DGKB: variants seen among roughly 807,000 people sequenced by gnomAD.
The protein encoded by DGKB is 90 kDa diacylglycerol kinase.
A neutral mutation model predicts 114.3 loss-of-function variants in DGKB; 67 were observed. The observed-to-expected ratio is 0.59, with a 90% CI of 0.48 to 0.72. DGKB has a LOEUF of 0.72. Among genes scored for constraint, DGKB ranks in the 30% least tolerant of loss-of-function variants. DGKB has a pLI of 0.00. For missense variants in DGKB, 907 were observed against 975.2 expected, an observed-to-expected ratio of 0.93 and a Z score of 0.93; for synonymous variants, 398 against 323.1, an observed-to-expected ratio of 1.23 and a Z score of -2.49.
intron 23 of DGKB, among the ~76,000 whole-genome samples, chr7:14,325,409 C>T (rs544943230): frequency 2.6e-5 from 4 of 152,228 alleles, no homozygotes; most frequent in African/African-American, 9.6e-5. Context: ...ATACGATATT[C>T]CACGATTCAC....
intron 21 of DGKB, among the ~76,000 whole-genome samples, chr7:14,462,829 T>C (rs944972815): frequency 3.3e-5 from 5 of 152,198 alleles, no homozygotes; most frequent in African/African-American, 1.2e-4. Context: ...TCATGCTACC[T>C]GACTGCAAAC....
At position 14,898,462 on chromosome 7, in the gene DGKB, C is replaced by T. The variant is rs531022420; in HGVS notation, c.-188+4130G>A. 6.6e-5 allele frequency among the ~76,000 whole-genome samples: 10 copies of T among 151,998 alleles called. No individual in the cohort carries two copies. In the East Asian group the frequency reaches 1.7e-3, roughly 26 times the overall value. On this transcript the variant is annotated intron_variant, in intron 1 of 25. Transcript: ENST00000402815. ...TCCTTCAGTTTGCTCTTTTATAAAA[C>T]GGGAATGAGGATAATAATTATCCCA...
At chr7:14,337,736 A>C (rs949349055) in intron 23 of DGKB, among the ~76,000 whole-genome samples, 3 of 152,126 alleles carry the variant, frequency 2.0e-5, no homozygotes, top group African/African-American at 7.2e-5. Context: ...TTGATTTCTC[A>C]ATGTCATCAG....
chr7:14,956,392 A>G (rs1298710411), intron 1 of DGKB, among the ~76,000 whole-genome samples: 1 of 152,028 alleles, frequency 6.6e-6, no homozygotes, highest in East Asian at 1.9e-4. Flanking sequence ...CTACCAGCAC[A>G]TAACTATGTG....
chr7:14,572,512 G>C (rs2128706043), intron 20 of DGKB, among the ~76,000 whole-genome samples: 1 of 150,994 alleles, frequency 6.6e-6, no homozygotes, highest in South Asian at 2.1e-4. Flanking sequence ...TCTCCAAATA[G>C]AAAACGTTAA....
intron 2 of DGKB, among the ~76,000 whole-genome samples, chr7:14,761,127 G>A (rs542716898): frequency 2.2e-4 from 33 of 152,208 alleles, no homozygotes; most frequent in African/African-American, 7.5e-4. Context: ...ACTATGACCT[G>A]ATCTCCACTT....
intron 2 of DGKB, among the ~76,000 whole-genome samples, chr7:14,795,430 G>T (rs1032461297): frequency 6.6e-6 from 1 of 152,148 alleles, no homozygotes; most frequent in Non-Finnish European, 1.5e-5. Flanking sequence ...GGGATATATT[G>T]TAATGTTAGG....
intron 20 of DGKB, among the ~76,000 whole-genome samples, chr7:14,528,599 C>T (rs1211705435): frequency 6.6e-6 from 1 of 151,878 alleles, no homozygotes; most frequent in Non-Finnish European, 1.5e-5. Context: ...TTTGTATTGT[C>T]GTACTCCTGG....
intron 13 of DGKB, among the ~76,000 whole-genome samples, chr7:14,658,781 T>G (rs1816384856): frequency 6.6e-6 from 1 of 151,764 alleles, no homozygotes. Context: ...TAAAACAGGA[T>G]TAATTAATTT....
At chr7:14,425,945 A>G (rs1284830665) in intron 21 of DGKB, among the ~76,000 whole-genome samples, 1 of 152,056 alleles carries the variant, frequency 6.6e-6, no homozygotes, top group African/African-American at 2.4e-5. Context: ...TTTTCATTCA[A>G]TTTTTGTTGG....
chr7:14,739,268 C>G (rs1393589380), intron 4 of DGKB, among the ~76,000 whole-genome samples: 1 of 152,142 alleles, frequency 6.6e-6, no homozygotes, highest in Non-Finnish European at 1.5e-5. Context: ...CTAAACACGC[C>G]CATGGTGAAA....
chr7:14,632,283 A>G (rs1013404665), intron 13 of DGKB, among the ~76,000 whole-genome samples: 3 of 151,898 alleles, frequency 2.0e-5, no homozygotes, highest in Admixed American at 6.6e-5. Context: ...AGAGTATAAT[A>G]ATGTCATTAG....
chr7:14,487,615 C>T (rs1296230981), intron 20 of DGKB, among the ~76,000 whole-genome samples: 2 of 133,136 alleles, frequency 1.5e-5, no homozygotes, highest in African/African-American at 5.6e-5. Context: ...GACAGAATCT[C>T]TCCCTGTCAC....
chr7:14,841,963 G>A (rs1366193815), intron 1 of DGKB, among the ~76,000 whole-genome samples: 1 of 152,302 alleles, frequency 6.6e-6, no homozygotes, highest in Admixed American at 6.5e-5. Flanking sequence ...AATTCCAAAT[G>A]TCTGAAAGAC....
intron 21 of DGKB, among the ~76,000 whole-genome samples, chr7:14,441,353 A>G (rs1360222935): frequency 6.6e-6 from 1 of 152,068 alleles, no homozygotes; most frequent in Non-Finnish European, 1.5e-5. Context: ...CTTCCTCTTC[A>G]TATTCACAGA....
At position 14,852,487 on chromosome 7, in the gene DGKB, C is replaced by CAAAAAA; in HGVS notation, c.-187-11043_-187-11038dup. On this transcript the variant is annotated intron_variant, in intron 1 of 25. Transcript: ENST00000402815. ...GAGGAATAGCTAAAATAGTGAAAGTCAAAAAAAAAACAGAAATCAAGCATA... is the reference window on the plus strand; with the variant it reads ...GAGGAATAGCTAAAATAGTGAAAGTCAAAAAAAAAAAAAAAACAGAAATCAAGCATA... Among the ~76,000 whole-genome samples the CAAAAAA allele has an allele frequency of 3.4e-3, 219 of 63,618 alleles. 30 individuals carry two copies. The highest frequency in any genetic ancestry group is 0.014 in the African/African-American group (212 of 14,836). The allele number at this position is 63,618 out of a possible 152,430, so 41.7% of individuals were successfully genotyped here.
chr7:14,151,383 A>G (rs561346977), intron 25 of DGKB, among the ~76,000 whole-genome samples: 13 of 152,058 alleles, frequency 8.5e-5, no homozygotes, highest in African/African-American at 3.1e-4. Flanking sequence ...ATTATTATCT[A>G]TAAGACTTAG....
At chr7:14,724,156 T>C (rs191924831) in intron 5 of DGKB, among the ~76,000 whole-genome samples, 11 of 152,338 alleles carry the variant, frequency 7.2e-5, no homozygotes, top group Admixed American at 6.5e-4. Context: ...TCTTTTAAAA[T>C]ATTGGTTCAA....
At chr7:14,357,271 T>A (rs1814741404) in intron 21 of DGKB, among the ~76,000 whole-genome samples, 1 of 152,184 alleles carries the variant, frequency 6.6e-6, no homozygotes, top group African/African-American at 2.4e-5. Flanking sequence ...TTTATGAATC[T>A]GGGTGCTCCT....
Sources: gnomAD v4.1 joint callset for allele counts (sites outside exome capture counted in the v4.1 genomes callset) on GRCh38, gnomAD v4.1.1 for gene constraint, MANE v1.5 for transcripts, NCBI Gene and HGNC (gene_info 2026-07-23, HGNC 2026-07-21) for gene names.